The following ACSS2 variants were observed in gnomAD, a reference collection of about 807,000 sequenced individuals.
ACSS2 encodes the protein acyl-CoA synthetase short chain family member 2.
In ACSS2, 58 loss-of-function variants were observed where a neutral mutation model predicts 90.6. The ratio of observed to expected loss-of-function variants is 0.64; its 90% CI spans 0.52 to 0.80. ACSS2 has a LOEUF of 0.80. Ranked by LOEUF, ACSS2 falls within the 30% of genes least tolerant of loss-of-function variation. ACSS2 has a pLI of 0.00. For missense variants in ACSS2, 759 were observed against 912.0 expected, an observed-to-expected ratio of 0.83 and a Z score of 2.16; for synonymous variants, 300 against 330.9, an observed-to-expected ratio of 0.91 and a Z score of 1.01.
chr20:34,898,388 T>G lies in ACSS2; in HGVS notation c.375-14708T>G, dbSNP rs2080521170. Among the ~76,000 whole-genome samples the G allele has an allele frequency of 2.6e-5, 4 of 152,006 alleles. No homozygotes were observed. In the South Asian group the frequency reaches 8.3e-4, roughly 32 times the overall value. On this transcript the variant is annotated intron_variant, in intron 2 of 17. Coordinates refer to ENST00000360596, the MANE Select transcript of ACSS2 (RefSeq NM_018677.4). ...AAAGGTTCTCCACATCTCCACCAGA[T>G]TAGCTAGATACAGAGTGCCAACACA...
intron 2 of ACSS2, among the ~76,000 whole-genome samples, chr20:34,903,340 A>T (rs2080716077): frequency 1.2e-4 from 3 of 24,324 alleles, no homozygotes; most frequent in Admixed American, 5.6e-4. Context: ...AGACTCTCTC[A>T]AAAAAAAAAA....
chr20:34,875,262 A>G (rs1328985181), upstream of ACSS2: 1 of 490,918 alleles, frequency 2.0e-6, no homozygotes, highest in Non-Finnish European at 4.2e-6. Flanking sequence ...GAGTAAAGAG[A>G]TTGTGAAGGA....
chr20:34,909,077 G>A (rs914178078), intron 2 of ACSS2: 4 of 349,962 alleles, frequency 1.1e-5, no homozygotes, highest in Non-Finnish European at 2.2e-5. Flanking sequence ...TTGGCACCGT[G>A]GCTCACACCT....
chr20:34,875,016 G>T, upstream of ACSS2: 1 of 533,270 alleles, frequency 1.9e-6, no homozygotes. Flanking sequence ...TTCAGGAGGT[G>T]GGAGCTGCCC....
At chr20:34,897,584 G>A (rs2080495121) in intron 2 of ACSS2, among the ~76,000 whole-genome samples, 1 of 152,146 alleles carries the variant, frequency 6.6e-6, no homozygotes, top group African/African-American at 2.4e-5. Context: ...GCTGAGGTGG[G>A]TGGATCACCT....
At chr20:34,882,301 C>T (rs532202247) in intron 1 of ACSS2, among the ~76,000 whole-genome samples, 1 of 152,176 alleles carries the variant, frequency 6.6e-6, no homozygotes, top group Admixed American at 6.5e-5. Flanking sequence ...CAAGATTCAG[C>T]CCAAGAGAAT....
At chr20:34,876,959 C>T in intron 1 of ACSS2, 136 bp downstream of exon 1, 1 of 555,592 alleles carries the variant, frequency 1.8e-6, no homozygotes, top group Admixed American at 4.4e-5. Flanking sequence ...AATTGCGGTT[C>T]TTTGAAAATG....
chr20:34,925,344 C>G (rs1484164924), intron 14 of ACSS2, among the ~76,000 whole-genome samples: 1 of 152,170 alleles, frequency 6.6e-6, no homozygotes, highest in Non-Finnish European at 1.5e-5. Context: ...CACCATAGGA[C>G]TACTCAATAC....
At chr20:34,901,838 G>C (rs1047507854) in intron 2 of ACSS2, among the ~76,000 whole-genome samples, 3 of 152,102 alleles carry the variant, frequency 2.0e-5, no homozygotes, top group African/African-American at 7.2e-5. Context: ...TGTGCTGCAT[G>C]GGAACTTGGT....
At chr20:34,890,578 A>G (rs1060615) in intron 2 of ACSS2, among the ~76,000 whole-genome samples, 82,885 of 151,768 alleles carry the variant, frequency 0.55, 23,333 homozygotes, top group South Asian at 0.74. Flanking sequence ...TGATATTCTG[A>G]TCATTTATAC....
chr20:34,876,584 T>A, upstream of ACSS2: 1 of 1,283,892 alleles, frequency 7.8e-7, no homozygotes, highest in Non-Finnish European at 9.9e-7. Flanking sequence ...TTCGGCCTGT[T>A]TTCTCAGTCC....
intron 14 of ACSS2, among the ~76,000 whole-genome samples, chr20:34,924,937 A>C (rs565231091): frequency 6.6e-6 from 1 of 151,328 alleles, no homozygotes; most frequent in Non-Finnish European, 1.5e-5. Flanking sequence ...TGATCCACCC[A>C]CCTTGGCCTC....
chr20:34,917,593 T>C lies in ACSS2; in HGVS notation c.835-1842T>C, dbSNP rs78581620. ...AGCATATATCCTTATAATGGGAGAA[T>C]GGCATTTATCTTACACCATCATGTC... On this transcript the variant is annotated intron_variant, in intron 7 of 17. Transcript: ENST00000360596. Among the ~76,000 whole-genome samples the C allele has an allele frequency of 2.7e-3, 417 of 152,298 alleles. 2 individuals are homozygous for C. The highest frequency in any genetic ancestry group is 4.6e-3 in the Non-Finnish European group (316 of 68,018).
intron 2 of ACSS2, among the ~76,000 whole-genome samples, chr20:34,902,919 G>A (rs2080704562): frequency 7.0e-6 from 1 of 142,770 alleles, no homozygotes; most frequent in Non-Finnish European, 1.5e-5. Flanking sequence ...TTTTAGTAGA[G>A]AGAGCATTTC....
intron 7 of ACSS2, among the ~76,000 whole-genome samples, chr20:34,918,443 A>G (rs562501724): frequency 1.3e-5 from 2 of 152,338 alleles, no homozygotes; most frequent in South Asian, 2.1e-4. Flanking sequence ...GTTTCAAAGG[A>G]GAATTTAGAG....
intron 2 of ACSS2, among the ~76,000 whole-genome samples, chr20:34,912,145 G>A (rs1031834029): frequency 6.6e-6 from 1 of 152,188 alleles, no homozygotes; most frequent in African/African-American, 2.4e-5. Context: ...TATACATGTA[G>A]ATAGCACATA....
chr20:34,889,271 C>T lies in ACSS2; in HGVS notation c.374+6282C>T, dbSNP rs536448387. ...CCGAGCAGCTGGTACTACAGGCGCC[C>T]GCCACCATGCCCGGCTAATTTTTTG... On this transcript the variant is annotated intron_variant, in intron 2 of 17. Transcript: ENST00000360596. 1.2e-4 allele frequency among the ~76,000 whole-genome samples: 18 copies of T among 151,876 alleles called. No homozygotes were observed. In the East Asian group the frequency reaches 2.7e-3, roughly 23 times the overall value.
At chr20:34,905,422 G>A (rs989246455) in intron 2 of ACSS2, among the ~76,000 whole-genome samples, 19 of 151,952 alleles carry the variant, frequency 1.3e-4, no homozygotes, top group African/African-American at 3.9e-4. Context: ...ACAGGCGCCC[G>A]CCACCACCCC....
At chr20:34,902,324 C>T (rs1405986287) in intron 2 of ACSS2, among the ~76,000 whole-genome samples, 1 of 151,836 alleles carries the variant, frequency 6.6e-6, no homozygotes. Context: ...ATAATATTAA[C>T]AATAACAATA....
Sources: gnomAD v4.1 joint callset for allele counts (sites outside exome capture counted in the v4.1 genomes callset) on GRCh38, gnomAD v4.1.1 for gene constraint, MANE v1.5 for transcripts, NCBI Gene and HGNC (gene_info 2026-07-23, HGNC 2026-07-21) for gene names.